Variants in MAP3K20 observed in about 807,000 individuals in gnomAD.
MAP3K20 encodes mitogen-activated protein kinase kinase kinase 20, also known as HCCS-4.
MAP3K20 carries 40 observed loss-of-function variants against 85.7 expected under a neutral mutation model. The ratio of observed to expected loss-of-function variants is 0.47; its 90% CI spans 0.36 to 0.61. The LOEUF (loss-of-function observed/expected upper bound fraction) is 0.61, where lower values mean the gene tolerates loss of function less well. Among genes scored for constraint, MAP3K20 ranks in the 20% least tolerant of loss-of-function variants. The pLI is 0.00. For synonymous variants in MAP3K20, 325 were observed against 327.7 expected, an observed-to-expected ratio of 0.99 and a Z score of 0.09; for missense variants, 817 against 961.7, an observed-to-expected ratio of 0.85 and a Z score of 1.99.
At chr2:173,151,118 A>G (rs1375512055) in intron 2 of MAP3K20, among the ~76,000 whole-genome samples, 1 of 152,210 alleles carries the variant, frequency 6.6e-6, no homozygotes. Flanking sequence ...AGCTTGCCAC[A>G]GAACCACTCA....
chr2:173,176,241 C>T (rs1195873792), intron 3 of MAP3K20, among the ~76,000 whole-genome samples: 4 of 152,048 alleles, frequency 2.6e-5, no homozygotes, highest in East Asian at 1.9e-4. Context: ...AGTTTTCCTA[C>T]TTTTATTTTT....
At chr2:173,103,478 T>G (rs1394955171) in intron 2 of MAP3K20, among the ~76,000 whole-genome samples, 1 of 152,222 alleles carries the variant, frequency 6.6e-6, no homozygotes, top group African/African-American at 2.4e-5. Context: ...AAGTTTATAC[T>G]CTGGCCTTGT....
chr2:173,231,674 CCT>C (rs758269056), intron 12 of MAP3K20, among the ~76,000 whole-genome samples: 9 of 152,184 alleles, frequency 5.9e-5, no homozygotes, highest in Non-Finnish European at 1.0e-4. Context: ...AAACCCAGAC[CCT>C]GTGATATACA....
intron 2 of MAP3K20, chr2:173,160,435 T>A (rs1322643788): frequency 6.6e-6 from 1 of 152,128 alleles, no homozygotes; most frequent in Non-Finnish European, 1.5e-5. Context: ...TATTTTTATT[T>A]AAAAAAAGCC....
chr2:173,224,364 G>A (rs766855532), intron 11 of MAP3K20: 28 of 985,140 alleles, frequency 2.8e-5, no homozygotes, highest in Non-Finnish European at 3.1e-5. Flanking sequence ...TGAATGAAAT[G>A]GACATTTTTT....
chr2:173,161,529 T>C (rs1176695884), intron 2 of MAP3K20, among the ~76,000 whole-genome samples: 1 of 152,206 alleles, frequency 6.6e-6, no homozygotes, highest in Non-Finnish European at 1.5e-5. Flanking sequence ...ATCCTTTAAA[T>C]GTTAGTGCTT....
At chr2:173,256,420 C>A (rs935674062) in intron 16 of MAP3K20, among the ~76,000 whole-genome samples, 1 of 151,498 alleles carries the variant, frequency 6.6e-6, no homozygotes, top group Non-Finnish European at 1.5e-5. Flanking sequence ...TGAGGCCAAG[C>A]GTTCAAGACC....
chr2:173,195,733 T>C (rs2106281084), intron 7 of MAP3K20, among the ~76,000 whole-genome samples: 1 of 152,296 alleles, frequency 6.6e-6, no homozygotes, highest in East Asian at 1.9e-4. Context: ...AATCATGAGA[T>C]GTGCTGATAC....
Position 173,256,530 on chromosome 2 carries a change from T to TAGACAGACAGACAGACAGAC in MAP3K20, c.1360-2150_1360-2149insCAGACAGACAGACAGACAGA, listed in dbSNP as rs1283624689. On this transcript the variant is annotated intron_variant, in intron 16 of 19. Coordinates refer to ENST00000375213, the MANE Select transcript of MAP3K20 (RefSeq NM_016653.3). Reference sequence around the variant, plus strand: ...ATAGATAGATAGATAGATAGATAGATAGACAGACAGACAGACAGATAGAGA... The same window carrying TAGACAGACAGACAGACAGAC: ...ATAGATAGATAGATAGATAGATAGATAGACAGACAGACAGACAGACAGACAGACAGACAGACAGATAGAGA... Among the ~76,000 whole-genome samples, 9 of 148,338 alleles carry TAGACAGACAGACAGACAGAC rather than the reference T, an allele frequency of 6.1e-5. No homozygotes were observed. The East Asian group carries it at 6.1e-4, about 10-fold the overall frequency.
chr2:173,199,622 T>C (rs545922677), intron 8 of MAP3K20, among the ~76,000 whole-genome samples: 47 of 152,014 alleles, frequency 3.1e-4, no homozygotes, highest in Non-Finnish European at 5.3e-4. Flanking sequence ...GTGTAATCTT[T>C]TCCCTCTGCA....
chr2:173,266,367 TCAGA>T lies in MAP3K20; in HGVS notation c.2025_2028del (p.Asp675GlufsTer156). On this transcript the variant is annotated frameshift_variant, in exon 20 of 20. Transcript: ENST00000375213. LOFTEE classifies it low-confidence loss of function (END_TRUNC). ...CACCTCTTCAGAGAGGGGTCGATAC[TCAGA>T]CAGAAGCAGGAACAAATATGGACGT... The T allele has an allele frequency of 1.2e-6, 2 of 1,614,122 alleles. No homozygotes were observed. The highest frequency in any genetic ancestry group is 1.7e-6 in the Non-Finnish European group (2 of 1,180,016).
chr2:173,102,942 A>G (rs1404119336), intron 2 of MAP3K20, among the ~76,000 whole-genome samples: 1 of 151,958 alleles, frequency 6.6e-6, no homozygotes, highest in Non-Finnish European at 1.5e-5. Flanking sequence ...AATCCCAGAT[A>G]CTCGGGAGGC....
chr2:173,221,703 C>A, intron 11 of MAP3K20: 1 of 1,314,846 alleles, frequency 7.6e-7, no homozygotes. Flanking sequence ...TTTTTGCTTA[C>A]AGAAAAACGG....
At chr2:173,115,247 T>A (rs1025102730) in intron 2 of MAP3K20, among the ~76,000 whole-genome samples, 3 of 152,152 alleles carry the variant, frequency 2.0e-5, no homozygotes, top group Non-Finnish European at 1.5e-5. Flanking sequence ...TGTCCAAAAT[T>A]TCCTGATTTT....
At position 173,198,154 on chromosome 2, in the gene MAP3K20, C is replaced by A; in HGVS notation, c.669+42C>A. The A allele has an allele frequency of 6.4e-7, 1 of 1,557,504 alleles. No individual in the cohort carries two copies. ...CCATTCAGGTACATAGATCAGAAAA[C>A]AGTATTGGGGTTTTGCAAAAGACTT... On this transcript the variant is annotated intron_variant, in intron 8 of 19. Transcript: ENST00000375213. The surrounding 1 kb of genome is among the most constrained non-coding windows in gnomAD (Gnocchi z 5.8).
chr2:173,196,700 G>GT (rs1690852044), intron 7 of MAP3K20, among the ~76,000 whole-genome samples: 1 of 152,204 alleles, frequency 6.6e-6, no homozygotes. Context: ...TGACTAGAGA[G>GT]TATGTGTGCT....
At chr2:173,190,076 AAAAT>A (rs753586201) in intron 5 of MAP3K20, among the ~76,000 whole-genome samples, 2 of 152,102 alleles carry the variant, frequency 1.3e-5, no homozygotes, top group Non-Finnish European at 2.9e-5. Flanking sequence ...CCTACCTTCC[AAAAT>A]TGCCATACAT....
At chr2:173,134,193 C>CTT (rs1351658012) in intron 2 of MAP3K20, among the ~76,000 whole-genome samples, 49 of 130,414 alleles carry the variant, frequency 3.8e-4, no homozygotes, top group African/African-American at 1.3e-3. Context: ...CAATAGCTAT[C>CTT]TTTTTTTTTT....
At chr2:173,187,684 G>A in intron 5 of MAP3K20, 61 bp downstream of exon 5, 1 of 1,395,614 alleles carries the variant, frequency 7.2e-7, no homozygotes, top group South Asian at 1.3e-5. Context: ...CTTGCATGTA[G>A]AAATGAGCAT....
Sources: gnomAD v4.1 joint callset for allele counts (sites outside exome capture counted in the v4.1 genomes callset) on GRCh38, gnomAD v4.1.1 for gene constraint, Gnocchi (gnomAD v3.1) non-coding constraint, MANE v1.5 for transcripts, NCBI Gene and HGNC (gene_info 2026-07-23, HGNC 2026-07-21) for gene names.